Variants in SPEF2 observed in about 807,000 individuals in gnomAD.
SPEF2 encodes the protein sperm flagella and cilia-associated protein 2.
A neutral mutation model predicts 224.6 loss-of-function variants in SPEF2; 187 were observed. That is an observed-to-expected ratio of 0.83 (90% CI 0.74 to 0.94). The LOEUF (loss-of-function observed/expected upper bound fraction) is 0.94. Among genes scored for constraint, SPEF2 ranks in the 40% least tolerant of loss-of-function variants. SPEF2 has a pLI of 0.00. For synonymous variants in SPEF2, 715 were observed against 707.3 expected (o/e 1.01, Z -0.17); for missense variants, 2,170 against 2,135.6 (o/e 1.02, Z -0.32).
intron 16 of SPEF2, chr5:35,702,137 C>T (rs1177063037): frequency 8.8e-6 from 4 of 455,492 alleles, no homozygotes; most frequent in Non-Finnish European, 1.8e-5. Context: ...AATGTGTCAT[C>T]CAATCCCCCT....
chr5:35,695,697 T>C, intron 13 of SPEF2, 38 bp from the exon 14 acceptor site: 1 of 1,558,038 alleles, frequency 6.4e-7, no homozygotes, highest in Non-Finnish European at 8.8e-7. Flanking sequence ...TAGGTGTAAA[T>C]ACCAGAAATT....
intron 20 of SPEF2, among the ~76,000 whole-genome samples, chr5:35,723,143 C>T (rs1007768988): frequency 3.8e-4 from 58 of 152,304 alleles, no homozygotes; most frequent in Middle Eastern, 6.8e-3. Context: ...CCCAAGGCTT[C>T]ACCCCAGTGA....
chr5:35,622,088 A>C (rs1743597733), intron 1 of SPEF2, among the ~76,000 whole-genome samples: 1 of 152,214 alleles, frequency 6.6e-6, no homozygotes, highest in Admixed American at 6.5e-5. Flanking sequence ...TGATATATAA[A>C]AATTAAATAG....
At chr5:35,722,717 T>G (rs1284530969) in intron 20 of SPEF2, among the ~76,000 whole-genome samples, 1 of 136,258 alleles carries the variant, frequency 7.3e-6, no homozygotes, top group Non-Finnish European at 1.5e-5. Context: ...TTCCCACCTA[T>G]GAGTGAGAAT....
chr5:35,795,873 T>C, intron 33 of SPEF2, 78 bp downstream of exon 33: 1 of 1,295,430 alleles, frequency 7.7e-7, no homozygotes, highest in Non-Finnish European at 1.1e-6. Context: ...CTTATGTAAC[T>C]TGGCTGTGGA....
At chr5:35,693,061 G>GC (rs1396249429) in intron 12 of SPEF2, among the ~76,000 whole-genome samples, 1 of 152,140 alleles carries the variant, frequency 6.6e-6, no homozygotes, top group African/African-American at 2.4e-5. Flanking sequence ...CAAGGAAAGA[G>GC]CCACTAGCTG....
intron 30 of SPEF2, chr5:35,789,432 T>C (rs1755644393): frequency 1.5e-6 from 1 of 687,734 alleles, no homozygotes; most frequent in Non-Finnish European, 2.7e-6. Context: ...CTTGCGAAAT[T>C]ATCTGCCAGA....
intron 31 of SPEF2, 37 bp from the exon 32 acceptor site, chr5:35,793,122 T>G: frequency 2.5e-6 from 4 of 1,574,924 alleles, no homozygotes; most frequent in Non-Finnish European, 3.5e-6. Context: ...GATAGATTCA[T>G]GTAGATATTC....
intron 1 of SPEF2, among the ~76,000 whole-genome samples, chr5:35,621,545 T>C (rs1322587490): frequency 6.6e-6 from 1 of 152,214 alleles, no homozygotes; most frequent in African/African-American, 2.4e-5. Flanking sequence ...TCACTTGAGC[T>C]CTTTTTATAA....
chr5:35,751,056 CGTATATATATGTATATATAT>C (rs1749470714), intron 23 of SPEF2, among the ~76,000 whole-genome samples: 1 of 28,600 alleles, frequency 3.5e-5, no homozygotes, highest in African/African-American at 9.1e-5. Flanking sequence ...TATATATATA[CGTATATATATGTATATATAT>C]ATACACACAC....
At position 35,750,985 on chromosome 5, in the gene SPEF2, ATATATATATATG is replaced by A. The variant is rs1310728919; in HGVS notation, c.3331-2627_3331-2616del. 1.8e-3 allele frequency among the ~76,000 whole-genome samples: 176 copies of A among 96,882 alleles called. 1 individual carries two copies. The highest frequency in any genetic ancestry group is 5.8e-3 in the African/African-American group (170 of 29,360). The allele number at this position is 96,882 out of a possible 152,430, so 63.6% of individuals were successfully genotyped here. A position where few individuals can be genotyped will look rare whatever the true frequency, so the allele number is the denominator to read the frequency against. On this transcript the variant is annotated intron_variant, in intron 23 of 36. Transcript: ENST00000356031. ...AGTGAGTGGATAAAGAAACTGTGCT[ATATATATATATG>A]TATATATATATATACGTATATATAT...
chr5:35,710,363 C>A, intron 19 of SPEF2: 1 of 667,640 alleles, frequency 1.5e-6, no homozygotes, highest in South Asian at 6.8e-5. Context: ...TTCGAGACCC[C>A]GCTGGCCAAC....
chr5:35,762,437 A>AT (rs923456055), intron 25 of SPEF2, among the ~76,000 whole-genome samples: 3 of 152,170 alleles, frequency 2.0e-5, no homozygotes, highest in African/African-American at 7.2e-5. Flanking sequence ...GCCTTATTTG[A>AT]TTTTTAAAAT....
intron 3 of SPEF2, among the ~76,000 whole-genome samples, chr5:35,642,910 A>G (rs1281168690): frequency 6.6e-6 from 1 of 152,188 alleles, no homozygotes; most frequent in Non-Finnish European, 1.5e-5. Context: ...ATTAGTCTTA[A>G]TATGAATAAT....
chr5:35,757,142 T>TA (rs1228418427), intron 24 of SPEF2, among the ~76,000 whole-genome samples: 6 of 126,462 alleles, frequency 4.7e-5, no homozygotes, highest in African/African-American at 1.6e-4. Context: ...TATAATATCA[T>TA]AAAAATATTG....
intron 23 of SPEF2, among the ~76,000 whole-genome samples, chr5:35,742,049 G>T (rs1747732805): frequency 6.6e-6 from 1 of 152,186 alleles, no homozygotes; most frequent in African/African-American, 2.4e-5. Flanking sequence ...GTCAATGGTG[G>T]TTGTTTTTAC....
chr5:35,622,337 GTTTAT>G (rs1165614970), intron 1 of SPEF2, among the ~76,000 whole-genome samples: 1 of 152,076 alleles, frequency 6.6e-6, no homozygotes, highest in African/African-American at 2.4e-5. Context: ...AAGGATCATA[GTTTAT>G]TTTAAGAAAA....
intron 26 of SPEF2, among the ~76,000 whole-genome samples, chr5:35,771,364 C>T (rs1284959916): frequency 6.6e-6 from 1 of 152,060 alleles, no homozygotes; most frequent in African/African-American, 2.4e-5. Flanking sequence ...GGATGATTTG[C>T]AGGTGGGGCT....
intron 2 of SPEF2, among the ~76,000 whole-genome samples, chr5:35,631,540 A>T (rs867911625): frequency 1.3e-5 from 2 of 152,210 alleles, no homozygotes; most frequent in African/African-American, 4.8e-5. Flanking sequence ...TCAGGCACTT[A>T]AAAAAACTGT....
Sources: allele counts gnomAD v4.1 joint callset (sites outside exome capture counted in the v4.1 genomes callset), GRCh38; gene constraint gnomAD v4.1.1; transcripts MANE v1.5; gene names NCBI Gene and HGNC (gene_info 2026-07-23, HGNC 2026-07-21).